Variants in FAAH2 observed in about 807,000 individuals in gnomAD.
The protein encoded by FAAH2 is fatty-acid amide hydrolase 2.
A neutral mutation model predicts 36.9 loss-of-function variants in FAAH2; 60 were observed. That is an observed-to-expected ratio of 1.63 (90% CI 1.32 to 2.02). The LOEUF (loss-of-function observed/expected upper bound fraction) is 2.02, where lower values mean the gene tolerates loss of function less well. FAAH2 is among the 30% of genes most tolerant of loss of function. FAAH2 has a pLI of 0.00. For synonymous variants in FAAH2, 214 were observed against 143.8 expected, an observed-to-expected ratio of 1.49 and a Z score of -3.49; for missense variants, 689 against 397.5, an observed-to-expected ratio of 1.73 and a Z score of -6.23.
the FAAH2 span, among the ~76,000 whole-genome samples, chrX:57,217,825 G>T: frequency 7.2e-5 from 8 of 111,762 alleles, no homozygotes; most frequent in Non-Finnish European, 1.1e-4. Flanking sequence ...AAGAATGATG[G>T]TGGTATTTTG....
At chrX:57,461,938 T>C (rs1254016681) in intron 10 of FAAH2, among the ~76,000 whole-genome samples, 1 of 109,725 alleles carries the variant, frequency 9.1e-6, no homozygotes, top group African/African-American at 3.3e-5. Context: ...AAGAATCAAA[T>C]AGACACAATA....
chrX:57,124,043 A>T, the FAAH2 span, among the ~76,000 whole-genome samples: 1 of 111,491 alleles, frequency 9.0e-6, no homozygotes, highest in Non-Finnish European at 1.9e-5. Flanking sequence ...TTTTGTTGCC[A>T]TTGCTTTTGG....
the FAAH2 span, among the ~76,000 whole-genome samples, chrX:57,240,555 G>A: frequency 9.0e-6 from 1 of 111,640 alleles, no homozygotes; most frequent in Admixed American, 9.5e-5. Flanking sequence ...GCAGTGGCAT[G>A]GCATTGACAT....
chrX:57,394,440 A>G (rs1003409909), intron 7 of FAAH2: 1 of 1,197,263 alleles, frequency 8.4e-7, no homozygotes, highest in African/African-American at 1.8e-5. Flanking sequence ...CCAATTACTC[A>G]AGCCAGCTTA....
chrX:57,215,978 C>T, the FAAH2 span, among the ~76,000 whole-genome samples: 1 of 104,727 alleles, frequency 9.5e-6, no homozygotes, highest in African/African-American at 3.4e-5. Context: ...AAAGTAACAA[C>T]AACAACAATA....
intron 5 of FAAH2, among the ~76,000 whole-genome samples, chrX:57,353,849 G>A (rs968254731): frequency 8.1e-5 from 9 of 110,935 alleles, no homozygotes; most frequent in Admixed American, 1.9e-4. Context: ...TATGAAAAAC[G>A]CTCAGTATCA....
the FAAH2 span, among the ~76,000 whole-genome samples, chrX:57,223,377 A>T: frequency 2.7e-5 from 3 of 111,889 alleles, no homozygotes; most frequent in Non-Finnish European, 5.6e-5. Context: ...TTCAAAAGCA[A>T]GGACCATGGT....
At chrX:57,385,966 G>A (rs1243915769) in intron 7 of FAAH2, among the ~76,000 whole-genome samples, 1 of 110,186 alleles carries the variant, frequency 9.1e-6, no homozygotes. Context: ...TGAAAGTCAT[G>A]TTATAAAATT....
chrX:57,341,689 G>A (rs370597214), intron 5 of FAAH2, among the ~76,000 whole-genome samples: 3 of 108,648 alleles, frequency 2.8e-5, no homozygotes, highest in South Asian at 3.9e-4. Context: ...TAAATAAACC[G>A]GCTCCAAATT....
intron 2 of FAAH2, among the ~76,000 whole-genome samples, chrX:57,301,020 T>C (rs1306409295): frequency 9.0e-6 from 1 of 110,833 alleles, no homozygotes; most frequent in Non-Finnish European, 1.9e-5. Flanking sequence ...GGTGGGACTG[T>C]AAACTAGTTC....
intron 5 of FAAH2, among the ~76,000 whole-genome samples, chrX:57,345,064 G>T (rs184558560): frequency 4.6e-4 from 50 of 109,185 alleles, no homozygotes; most frequent in Non-Finnish European, 2.3e-4. Context: ...GTCTGTGCCA[G>T]ATTTTGGCAT....
At chrX:57,484,874 C>G (rs1355691758) in intron 10 of FAAH2, among the ~76,000 whole-genome samples, 1 of 110,923 alleles carries the variant, frequency 9.0e-6, no homozygotes, top group African/African-American at 3.3e-5. Flanking sequence ...AGGGGCTGGA[C>G]CTGGGTTGAG....
chrX:57,246,184 G>A, the FAAH2 span, among the ~76,000 whole-genome samples: 2 of 111,568 alleles, frequency 1.8e-5, no homozygotes, highest in African/African-American at 6.5e-5. Context: ...GAAAGAAGTC[G>A]AATCCCTGAA....
chrX:57,135,520 T>A, the FAAH2 span: 1 of 358,655 alleles, frequency 2.8e-6, no homozygotes, highest in Non-Finnish European at 4.7e-6. Flanking sequence ...GTGCCATTTT[T>A]AAATGACTGA....
the FAAH2 span, among the ~76,000 whole-genome samples, chrX:57,171,555 T>C: frequency 8.9e-6 from 1 of 111,754 alleles, no homozygotes; most frequent in Non-Finnish European, 1.9e-5. Flanking sequence ...ATTTGTATAT[T>C]TTCTTTTGAG....
intron 8 of FAAH2, among the ~76,000 whole-genome samples, chrX:57,440,835 C>T (rs925412190): frequency 1.8e-5 from 2 of 111,473 alleles, no homozygotes; most frequent in Non-Finnish European, 3.8e-5. Context: ...TTGTCAATGG[C>T]CTTTTCTGCA....
At chrX:57,176,745 G>A in the FAAH2 span, among the ~76,000 whole-genome samples, 3 of 111,153 alleles carry the variant, frequency 2.7e-5, no homozygotes, top group East Asian at 5.6e-4. Flanking sequence ...ATTCCATTGG[G>A]TTTGCTTTTA....
the FAAH2 span, among the ~76,000 whole-genome samples, chrX:57,265,979 C>G: frequency 9.1e-6 from 1 of 110,465 alleles, no homozygotes; most frequent in African/African-American, 3.3e-5. Flanking sequence ...GATGGAGCTC[C>G]CAGGGGTAGG....
In FAAH2 at chrX:57,292,375, T is replaced by C; in HGVS notation, c.193-123T>C. ...TATTTTGCCTCATGGGGGACTACAC[T>C]GTGTAATTCACTGAAAGTGTCTCAA... On this transcript the variant is annotated intron_variant, in intron 1 of 10. Coordinates refer to ENST00000374900, the MANE Select transcript of FAAH2 (RefSeq NM_174912.4). The C allele has an allele frequency of 8.7e-6, 5 of 573,810 alleles. No homozygotes were observed. The South Asian group carries it at 1.6e-4, about 19-fold the overall frequency. The allele number at this position is 573,810 out of a possible 1,213,427, so 47.3% of individuals were successfully genotyped here.
Sources: gnomAD v4.1 joint callset for allele counts (sites outside exome capture counted in the v4.1 genomes callset) on GRCh38, gnomAD v4.1.1 for gene constraint, MANE v1.5 for transcripts, NCBI Gene and HGNC (gene_info 2026-07-23, HGNC 2026-07-21) for gene names.